ABRAXAS2: variants seen among roughly 807,000 people sequenced by gnomAD.
ABRAXAS2 encodes abraxas 2, BRISC complex subunit.
Under a neutral mutation model 49.0 loss-of-function variants are expected in ABRAXAS2, and 23 were observed. The observed-to-expected ratio is 0.47, with a 90% CI of 0.34 to 0.66. The LOEUF is 0.66. Ranked by LOEUF, ABRAXAS2 falls within the 30% of genes least tolerant of loss-of-function variation. The pLI is 0.01. For synonymous variants in ABRAXAS2, 168 were observed against 180.2 expected (o/e 0.93, Z 0.54); for missense variants, 443 against 511.9 (o/e 0.87, Z 1.30).
intron 4 of ABRAXAS2, among the ~76,000 whole-genome samples, chr10:124,821,674 C>A (rs1950862291): frequency 6.6e-6 from 1 of 151,872 alleles, no homozygotes; most frequent in Admixed American, 6.6e-5. Context: ...ATTTTTTGCC[C>A]ATAAGATTGG....
At chr10:124,818,222 C>T (rs1465385948) in intron 3 of ABRAXAS2, among the ~76,000 whole-genome samples, 3 of 151,896 alleles carry the variant, frequency 2.0e-5, no homozygotes, top group Non-Finnish European at 4.4e-5. Context: ...CAGTAAAACC[C>T]CGTCTCTACT....
intron 1 of ABRAXAS2, among the ~76,000 whole-genome samples, chr10:124,805,861 T>A (rs549072194): frequency 9.9e-5 from 15 of 152,276 alleles, no homozygotes; most frequent in African/African-American, 3.6e-4. Context: ...TATAGGAAAG[T>A]TACTTTAGGA....
intron 1 of ABRAXAS2, among the ~76,000 whole-genome samples, chr10:124,805,370 C>A (rs971815648): frequency 3.3e-5 from 5 of 151,324 alleles, no homozygotes; most frequent in African/African-American, 7.3e-5. Context: ...GTCTGTCTTT[C>A]CCCACTCCCA....
Position 124,834,537 on chromosome 10 carries a change from T to C in ABRAXAS2, c.814T>C (p.Ser272Pro). 1 of 1,614,092 alleles carries C rather than the reference T, an allele frequency of 6.2e-7. No homozygotes were observed. Among genetic ancestry groups the C allele is most frequent in the Non-Finnish European group, 8.5e-7 (1 of 1,180,014 alleles). Residue 272 changes from serine to proline, a missense_variant, in exon 9 of 9, where the codon TCT (serine) becomes CCT (proline). Ser to Pro is a moderately conservative substitution (Grantham distance 74). This residue lies in a region of ABRAXAS2 where 230 missense variants were observed against 237.0 expected (regional missense o/e 0.97). Coordinates refer to ENST00000298492, the MANE Select transcript of ABRAXAS2 (RefSeq NM_032182.4). ...QQAVLSRQMP[S>P]ESLDPAFSPR... ...GGCAGTGTTAAGCAGACAGATGCCG[T>C]CTGAAAGCTTGGACCCAGCGTTCAG...
At chr10:124,829,533 T>G in intron 7 of ABRAXAS2, 56 bp downstream of exon 7, 2 of 1,202,836 alleles carry the variant, frequency 1.7e-6, no homozygotes, top group South Asian at 1.3e-5. Context: ...AAGCTTTTAA[T>G]TCTACTTTAA....
chr10:124,812,204 C>T (rs1194122486), intron 2 of ABRAXAS2, among the ~76,000 whole-genome samples: 1 of 152,184 alleles, frequency 6.6e-6, no homozygotes, highest in Non-Finnish European at 1.5e-5. Context: ...TGGGGAGTCC[C>T]TGTTAGTACA....
intron 4 of ABRAXAS2, among the ~76,000 whole-genome samples, chr10:124,821,554 C>T (rs902069480): frequency 8.0e-5 from 12 of 150,626 alleles, no homozygotes; most frequent in African/African-American, 1.5e-4. Context: ...GGTGACAGAG[C>T]GAGACCCTGC....
chr10:124,806,950 A>G lies in ABRAXAS2; in HGVS notation c.163+29A>G, dbSNP rs754275177. On this transcript the variant is annotated intron_variant, in intron 2 of 8. Coordinates refer to ENST00000298492, the MANE Select transcript of ABRAXAS2 (RefSeq NM_032182.4). ...AGTAAATTTCTCAATGACCTTAGAA[A>G]TATCTTTTTTGTATATTTACTTAAT... is the stretch of plus-strand genomic sequence containing the variant. 1.1e-5 allele frequency: 16 copies of G among 1,424,516 alleles called. No individual in the cohort carries two copies. In the South Asian group the frequency reaches 1.8e-4, roughly 16 times the overall value. The allele number at this position is 1,424,516 out of a possible 1,614,324, so 88.2% of individuals were successfully genotyped here. A position where few individuals can be genotyped will look rare whatever the true frequency, so the allele number is the denominator to read the frequency against.
intron 2 of ABRAXAS2, among the ~76,000 whole-genome samples, chr10:124,807,720 G>A (rs1589802408): frequency 6.6e-6 from 1 of 152,272 alleles, no homozygotes; most frequent in East Asian, 1.9e-4. Flanking sequence ...ATAAGTATGG[G>A]TCTTCTATAA....
At chr10:124,830,001 C>T (rs906410973) in intron 7 of ABRAXAS2, among the ~76,000 whole-genome samples, 1 of 152,220 alleles carries the variant, frequency 6.6e-6, no homozygotes, top group African/African-American at 2.4e-5. Context: ...TACTTTCCCA[C>T]ATTCTTTTCG....
chr10:124,816,702 TA>T, intron 3 of ABRAXAS2, 90 bp downstream of exon 3: 1 of 909,600 alleles, frequency 1.1e-6, no homozygotes, highest in Non-Finnish European at 1.8e-6. Context: ...ATTGTGGCTG[TA>T]AAGTCATGAG....
At chr10:124,815,111 C>T (rs1049132077) in intron 2 of ABRAXAS2, 1 of 152,164 alleles carries the variant, frequency 6.6e-6, no homozygotes, top group Non-Finnish European at 1.5e-5. Flanking sequence ...ACTTTTCTTT[C>T]CTGTGGAAAT....
At chr10:124,802,064 C>A (rs979518534) in intron 1 of ABRAXAS2, among the ~76,000 whole-genome samples, 163 bp downstream of exon 1, 3 of 152,184 alleles carry the variant, frequency 2.0e-5, no homozygotes, top group Admixed American at 1.3e-4. Flanking sequence ...TGAGCTCTTG[C>A]CTCTGGGGGC....
chr10:124,801,921 CCGCGCCCGCTGG>C lies in ABRAXAS2; in HGVS notation c.72+21_72+32del. The stretch of plus-strand genomic sequence containing the variant: ...GACCACGTAGGTGCCGGGCCCCCTG[CCGCGCCCGCTGG>C]GGGCTTTCAGCCTCTGTCTCAGGCC... On this transcript the variant is annotated intron_variant, in intron 1 of 8. Transcript: ENST00000298492. 1 of 1,610,276 alleles carries C rather than the reference CCGCGCCCGCTGG, an allele frequency of 6.2e-7. No homozygotes were observed. Among genetic ancestry groups the C allele is most frequent in the Non-Finnish European group, 8.5e-7 (1 of 1,178,242 alleles).
At chr10:124,820,572 C>G (rs556468735) in intron 4 of ABRAXAS2, among the ~76,000 whole-genome samples, 2 of 152,178 alleles carry the variant, frequency 1.3e-5, no homozygotes, top group African/African-American at 4.8e-5. Flanking sequence ...AACTCCACCT[C>G]CCAGGTTCAA....
At chr10:124,824,983 A>T (rs1021505374) in intron 4 of ABRAXAS2, among the ~76,000 whole-genome samples, 4 of 152,108 alleles carry the variant, frequency 2.6e-5, no homozygotes, top group African/African-American at 9.7e-5. Flanking sequence ...CTTGGCTGTC[A>T]CTCATGAGCT....
At chr10:124,810,063 T>A (rs1950776962) in intron 2 of ABRAXAS2, among the ~76,000 whole-genome samples, 1 of 152,114 alleles carries the variant, frequency 6.6e-6, no homozygotes. Flanking sequence ...ATTATGATAT[T>A]TTTTTGAAAT....
intron 4 of ABRAXAS2, among the ~76,000 whole-genome samples, chr10:124,826,391 C>T (rs1363462987): frequency 6.6e-6 from 1 of 152,174 alleles, no homozygotes; most frequent in Admixed American, 6.5e-5. Context: ...CATTCATGTT[C>T]CTTTTTATCA....
chr10:124,804,717 C>T (rs375931930), intron 1 of ABRAXAS2, among the ~76,000 whole-genome samples: 7,693 of 131,278 alleles, frequency 0.059, 748 homozygotes, highest in African/African-American at 0.2. Flanking sequence ...TTTTTTCTTT[C>T]TTTTTTTTTT....
Sources: allele counts gnomAD v4.1 joint callset (sites outside exome capture counted in the v4.1 genomes callset), GRCh38; gene constraint gnomAD v4.1.1; regional missense constraint gnomAD v4.1.1; transcripts MANE v1.5; gene names NCBI Gene and HGNC (gene_info 2026-07-23, HGNC 2026-07-21).